The following AGBL4 variants were observed in gnomAD, a reference collection of about 807,000 sequenced individuals.
The protein encoded by AGBL4 is cytosolic carboxypeptidase 6.
Under a neutral mutation model 66.4 loss-of-function variants are expected in AGBL4, and 58 were observed. The ratio of observed to expected loss-of-function variants is 0.87; its 90% CI spans 0.71 to 1.09. The LOEUF is 1.09. Among genes scored for constraint, AGBL4 ranks in the 50% least tolerant of loss-of-function variants. The pLI is 0.00. For missense variants in AGBL4, 579 were observed against 631.0 expected (o/e 0.92, Z 0.88); for synonymous variants, 234 against 222.9 (o/e 1.05, Z -0.44).
chr1:49,368,997 C>T (rs1275620159), intron 3 of AGBL4, among the ~76,000 whole-genome samples: 1 of 152,098 alleles, frequency 6.6e-6, no homozygotes. Context: ...ATCGCTTGAA[C>T]CTGGTGGGGG....
At chr1:48,647,975 C>A (rs552707923) in intron 8 of AGBL4, among the ~76,000 whole-genome samples, 1 of 152,276 alleles carries the variant, frequency 6.6e-6, no homozygotes, top group East Asian at 1.9e-4. Context: ...CTCCTAGGTC[C>A]CAGATCCTTC....
intron 4 of AGBL4, among the ~76,000 whole-genome samples, chr1:49,222,444 G>A (rs1052906630): frequency 2.0e-5 from 3 of 152,154 alleles, no homozygotes; most frequent in African/African-American, 7.2e-5. Context: ...TTATTCTGTG[G>A]ATATGCACGT....
At chr1:49,292,522 C>G (rs1445701332) in intron 3 of AGBL4, among the ~76,000 whole-genome samples, 2 of 152,224 alleles carry the variant, frequency 1.3e-5, no homozygotes, top group Non-Finnish European at 1.5e-5. Context: ...CCCATAAAAG[C>G]CCTGGACTCA....
intron 2 of AGBL4, among the ~76,000 whole-genome samples, chr1:49,786,155 G>C (rs905536475): frequency 2.7e-5 from 4 of 149,852 alleles, no homozygotes; most frequent in African/African-American, 1.0e-4. Flanking sequence ...CAAATTCCAT[G>C]ATGCAGAGAG....
chr1:49,497,545 T>C (rs959373673), intron 3 of AGBL4, among the ~76,000 whole-genome samples: 1 of 152,084 alleles, frequency 6.6e-6, no homozygotes, highest in African/African-American at 2.4e-5. Flanking sequence ...CTAATTCATT[T>C]TGAGTTTATT....
chr1:49,922,724 A>T, intron 1 of AGBL4, among the ~76,000 whole-genome samples: 1 of 152,182 alleles, frequency 6.6e-6, no homozygotes, highest in East Asian at 1.9e-4. Context: ...TTGCCACAAA[A>T]AGAGTAAAAT....
chr1:49,309,417 A>T (rs1051557773), intron 3 of AGBL4, among the ~76,000 whole-genome samples: 24 of 152,062 alleles, frequency 1.6e-4, no homozygotes, highest in Admixed American at 6.6e-5. Context: ...AATCTGAATT[A>T]AATAAGTGCC....
intron 1 of AGBL4, among the ~76,000 whole-genome samples, chr1:50,013,976 C>A (rs536698214): frequency 1.3e-5 from 2 of 152,178 alleles, no homozygotes; most frequent in African/African-American, 2.4e-5. Flanking sequence ...CACTATTACA[C>A]ATTAATTGGT....
rs77297728 is a variant in AGBL4 at position 48,537,865 on chromosome 1, A to G, written c.1364+1777T>C. Among the ~76,000 whole-genome samples the G allele has an allele frequency of 6.4e-4, 97 of 152,270 alleles. 4 individuals carry two copies. The East Asian group carries it at 0.017, about 26-fold the overall frequency. Reference sequence around the variant, plus strand: ...AATGACTTCTAAGAATGAACTGAGCATTTTCCTCTAGATGTGAGCTCCTCA... The same window carrying G: ...AATGACTTCTAAGAATGAACTGAGCGTTTTCCTCTAGATGTGAGCTCCTCA... On this transcript the variant is annotated intron_variant, in intron 12 of 13. Coordinates refer to ENST00000371839, the MANE Select transcript of AGBL4 (RefSeq NM_032785.4).
intron 2 of AGBL4, among the ~76,000 whole-genome samples, chr1:49,775,451 A>G (rs1421281666): frequency 3.3e-5 from 5 of 152,070 alleles, no homozygotes; most frequent in Admixed American, 2.0e-4. Flanking sequence ...GTGCAAATAG[A>G]TTTTTTTCAA....
At chr1:49,756,097 TA>T (rs567466954) in intron 2 of AGBL4, among the ~76,000 whole-genome samples, 169 of 152,258 alleles carry the variant, frequency 1.1e-3, no homozygotes, top group African/African-American at 4.0e-3. Flanking sequence ...AATTATAAAT[TA>T]AAAAAATTTT....
intron 5 of AGBL4, among the ~76,000 whole-genome samples, chr1:48,927,264 A>G (rs538657703): frequency 6.6e-6 from 1 of 152,272 alleles, no homozygotes; most frequent in African/African-American, 2.4e-5. Context: ...AGGCCTCACA[A>G]TCATGGCAGA....
At position 49,906,068 on chromosome 1, in the gene AGBL4, C is replaced by G. The variant is rs369943763; in HGVS notation, c.35-54550G>C. 1.3e-4 allele frequency among the ~76,000 whole-genome samples: 20 copies of G among 151,306 alleles called. No individual in the cohort carries two copies. The South Asian group carries it at 4.2e-3, about 32-fold the overall frequency. ...GTAGCCATTGTTGCTAGTATTATTTCAAATCTTGACAGGATTTACTCATTT... is the reference window on the plus strand; with the variant it reads ...GTAGCCATTGTTGCTAGTATTATTTGAAATCTTGACAGGATTTACTCATTT... On this transcript the variant is annotated intron_variant, in intron 1 of 13. Transcript: ENST00000371839.
intron 5 of AGBL4, among the ~76,000 whole-genome samples, chr1:48,949,205 G>T (rs1656763607): frequency 6.6e-6 from 1 of 152,196 alleles, no homozygotes; most frequent in South Asian, 2.1e-4. Context: ...CCAAAGGAAG[G>T]ATCAGGGGGC....
At chr1:49,672,810 T>A (rs1646504039) in intron 3 of AGBL4, among the ~76,000 whole-genome samples, 2 of 149,606 alleles carry the variant, frequency 1.3e-5, no homozygotes, top group African/African-American at 4.9e-5. Context: ...TAATCCCAGC[T>A]ACTAGGGGGC....
At chr1:49,040,877 T>TA (rs1643923252) in intron 5 of AGBL4, among the ~76,000 whole-genome samples, 1 of 152,086 alleles carries the variant, frequency 6.6e-6, no homozygotes, top group Admixed American at 6.6e-5. Flanking sequence ...CATAAGGTAC[T>TA]AAAAATCATA....
intron 6 of AGBL4, among the ~76,000 whole-genome samples, chr1:48,722,692 A>C (rs145103693): frequency 0.012 from 1,900 of 152,248 alleles, 40 homozygotes; most frequent in African/African-American, 0.044. Context: ...ACATACTGTC[A>C]ATATTACCTT....
At chr1:49,095,919 A>G (rs992205509) in intron 4 of AGBL4, among the ~76,000 whole-genome samples, 40 of 152,190 alleles carry the variant, frequency 2.6e-4, no homozygotes, top group African/African-American at 9.2e-4. Context: ...AAAATGGGAG[A>G]AAATTTTTGC....
chr1:49,206,940 C>T (rs1305566807), intron 4 of AGBL4, among the ~76,000 whole-genome samples: 3 of 149,012 alleles, frequency 2.0e-5, no homozygotes, highest in East Asian at 2.0e-4. Flanking sequence ...ACCAGGTGGG[C>T]GGAATGGGAA....
Sources: allele counts gnomAD v4.1 joint callset (sites outside exome capture counted in the v4.1 genomes callset), GRCh38; gene constraint gnomAD v4.1.1; transcripts MANE v1.5; gene names NCBI Gene and HGNC (gene_info 2026-07-23, HGNC 2026-07-21).